Variants in CCBE1 observed in about 807,000 individuals in gnomAD.
CCBE1 encodes collagen and calcium binding EGF domains 1.
In CCBE1, 37 loss-of-function variants were observed where a neutral mutation model predicts 50.0. The observed-to-expected ratio is 0.74, with a 90% confidence interval of 0.57 to 0.97. The LOEUF (loss-of-function observed/expected upper bound fraction) is 0.97. CCBE1 is among the 50% of genes least tolerant of loss of function. The pLI is 0.00. For missense variants in CCBE1, 538 were observed against 523.8 expected (o/e 1.03, Z -0.26); for synonymous variants, 234 against 203.7 (o/e 1.15, Z -1.27).
chr18:59,668,035 G>A (rs968705953), intron 2 of CCBE1, among the ~76,000 whole-genome samples: 1 of 152,248 alleles, frequency 6.6e-6, no homozygotes, highest in East Asian at 1.9e-4. Flanking sequence ...TAGATGACAG[G>A]TTGATGGGTG....
At position 59,606,706 on chromosome 18, in the gene CCBE1, G is replaced by GA. The variant is rs940643123; in HGVS notation, c.212+89922dup. Among the ~76,000 whole-genome samples the GA allele has an allele frequency of 5.9e-5, 9 of 151,390 alleles. No individual in the cohort carries two copies. The South Asian group carries it at 6.3e-4, about 11-fold the overall frequency. On this transcript the variant is annotated intron_variant, in intron 2 of 10. Coordinates refer to ENST00000439986, the MANE Select transcript of CCBE1 (RefSeq NM_133459.4). Reference sequence around the variant, plus strand: ...TTTGTTACCCCTGCTGTTTTAGAAGGAAAAAAAACAACCAATCATCTTTTT... The same window carrying GA: ...TTTGTTACCCCTGCTGTTTTAGAAGGAAAAAAAAACAACCAATCATCTTTTT...
At chr18:59,487,966 G>A (rs892563641) in intron 2 of CCBE1, among the ~76,000 whole-genome samples, 4 of 152,178 alleles carry the variant, frequency 2.6e-5, no homozygotes, top group Non-Finnish European at 1.5e-5. Flanking sequence ...ATGGATGAAC[G>A]GATAAAGAGG....
At chr18:59,559,162 T>TA (rs1383380319) in intron 2 of CCBE1, among the ~76,000 whole-genome samples, 3 of 151,898 alleles carry the variant, frequency 2.0e-5, no homozygotes, top group African/African-American at 7.3e-5. Context: ...TGGGAGGCAG[T>TA]AGATGGGGTC....
intron 2 of CCBE1, among the ~76,000 whole-genome samples, chr18:59,564,819 T>A (rs759587289): frequency 1.3e-5 from 2 of 152,166 alleles, no homozygotes; most frequent in African/African-American, 4.8e-5. Flanking sequence ...AGGGTCAAAG[T>A]GATGACAGCC....
At chr18:59,583,680 T>C (rs200051767) in intron 2 of CCBE1, among the ~76,000 whole-genome samples, 2,346 of 59,164 alleles carry the variant, frequency 0.04, 28 homozygotes, top group South Asian at 0.087. Flanking sequence ...TGTGTGTGTG[T>C]GCGCGCGCGC....
At chr18:59,677,617 A>G (rs1364553389) in intron 2 of CCBE1, among the ~76,000 whole-genome samples, 1 of 152,092 alleles carries the variant, frequency 6.6e-6, no homozygotes, top group African/African-American at 2.4e-5. Context: ...AACACAGAGA[A>G]AGATAAATTT....
chr18:59,486,335 T>A (rs955662331), intron 2 of CCBE1, among the ~76,000 whole-genome samples: 2 of 152,206 alleles, frequency 1.3e-5, no homozygotes, highest in African/African-American at 4.8e-5. Flanking sequence ...TTCCACCTCT[T>A]ATTTAATGGC....
intron 2 of CCBE1, among the ~76,000 whole-genome samples, chr18:59,685,437 C>T (rs1194368906): frequency 6.6e-6 from 1 of 152,156 alleles, no homozygotes; most frequent in Non-Finnish European, 1.5e-5. Context: ...GGACCTGCAG[C>T]AATTGCAAAG....
chr18:59,523,299 G>A (rs536754933), intron 2 of CCBE1, among the ~76,000 whole-genome samples: 1 of 151,522 alleles, frequency 6.6e-6, no homozygotes, highest in Admixed American at 6.6e-5. Context: ...GCCCAGTGGT[G>A]GGCAAGCTAC....
At chr18:59,496,321 A>C (rs1260212151) in intron 2 of CCBE1, among the ~76,000 whole-genome samples, 4 of 152,214 alleles carry the variant, frequency 2.6e-5, no homozygotes, top group South Asian at 4.1e-4. Context: ...GTGTCTGACA[A>C]ATCACACATG....
intron 2 of CCBE1, among the ~76,000 whole-genome samples, chr18:59,530,856 G>C (rs1235134580): frequency 6.6e-6 from 1 of 152,168 alleles, no homozygotes; most frequent in African/African-American, 2.4e-5. Context: ...TATTAGGAAA[G>C]CTATCGTCTT....
intron 2 of CCBE1, among the ~76,000 whole-genome samples, chr18:59,494,055 T>C (rs1913234849): frequency 6.6e-6 from 1 of 152,054 alleles, no homozygotes; most frequent in African/African-American, 2.4e-5. Context: ...ACCTCTTTCT[T>C]CCCAGTCTCA....
At chr18:59,565,419 A>T (rs901159217) in intron 2 of CCBE1, among the ~76,000 whole-genome samples, 1 of 115,934 alleles carries the variant, frequency 8.6e-6, no homozygotes, top group Admixed American at 7.7e-5. Flanking sequence ...ATGTGGTACG[A>T]GGTAGACAAA....
At chr18:59,629,865 G>A (rs1405285674) in intron 2 of CCBE1, among the ~76,000 whole-genome samples, 5 of 152,164 alleles carry the variant, frequency 3.3e-5, no homozygotes, top group Non-Finnish European at 5.9e-5. Flanking sequence ...GCTCATGGAG[G>A]ATGTGTACAC....
intron 2 of CCBE1, among the ~76,000 whole-genome samples, chr18:59,602,867 T>A (rs2144564226): frequency 6.6e-6 from 1 of 152,338 alleles, no homozygotes; most frequent in South Asian, 2.1e-4. Context: ...AGAACTCAGG[T>A]GTGAGGTCAG....
intron 5 of CCBE1, among the ~76,000 whole-genome samples, chr18:59,460,656 GAGCTGTGGCTCACGCCTGTAATCCCAGC>G (rs1308411352): frequency 1.3e-5 from 2 of 152,226 alleles, no homozygotes; most frequent in Admixed American, 6.5e-5. Context: ...CGTGGGCCAG[GAGCTGTGGCTCACGCCTGTAATCCCAGC>G]ACATTGGGAG....
At chr18:59,472,089 A>G (rs1007442574) in intron 3 of CCBE1, among the ~76,000 whole-genome samples, 2 of 152,228 alleles carry the variant, frequency 1.3e-5, no homozygotes, top group African/African-American at 4.8e-5. Flanking sequence ...CAGAGACATC[A>G]GCACCAGCCA....
chr18:59,660,804 C>T (rs1211592426), intron 2 of CCBE1, among the ~76,000 whole-genome samples: 1 of 152,174 alleles, frequency 6.6e-6, no homozygotes, highest in Non-Finnish European at 1.5e-5. Context: ...CGGAAGCAAT[C>T]AGCAAGAACT....
chr18:59,541,862 C>T (rs981314223), intron 2 of CCBE1, among the ~76,000 whole-genome samples: 12 of 148,498 alleles, frequency 8.1e-5, no homozygotes, highest in African/African-American at 3.0e-4. Flanking sequence ...TGCTAGGAGA[C>T]ATTTCTGCTT....
Sources: gnomAD v4.1 joint callset for allele counts (sites outside exome capture counted in the v4.1 genomes callset) on GRCh38, gnomAD v4.1.1 for gene constraint, MANE v1.5 for transcripts, NCBI Gene and HGNC (gene_info 2026-07-23, HGNC 2026-07-21) for gene names.